Variants in CYSTM1 observed in about 807,000 individuals in gnomAD.
CYSTM1 encodes the protein cysteine rich transmembrane module containing 1, also known as cysteine-rich transmembrane module-containing protein 1.
CYSTM1 carries 4 observed loss-of-function variants against 13.1 expected under a neutral mutation model. That is an observed-to-expected ratio of 0.31 (90% CI 0.15 to 0.70). The LOEUF is 0.70. Among genes scored for constraint, CYSTM1 ranks in the 30% least tolerant of loss-of-function variants. CYSTM1 has a pLI of 0.72. For missense variants in CYSTM1, 96 were observed against 121.6 expected (o/e 0.79, Z 0.99); for synonymous variants, 36 against 42.7 (o/e 0.84, Z 0.62).
rs1764587435 is a variant in CYSTM1, at chr5:140,228,641, T to C, written c.188-14664T>C. On this transcript the variant is annotated intron_variant, in intron 2 of 2. Coordinates refer to ENST00000261811, the MANE Select transcript of CYSTM1 (RefSeq NM_032412.4). ...ATCTAGACAGAACCAGTCTGCAGAG[T>C]GTGGTAAGTTCTACCAGCATGCTGC... 7.6e-6 allele frequency: 3 copies of C among 397,212 alleles called. No individual in the cohort carries two copies. In the Admixed American group the frequency reaches 1.3e-4, roughly 18 times the overall value. 24.6% of individuals were successfully genotyped at this position (397,212 alleles called of 1,614,324 possible). A position where few individuals can be genotyped will look rare whatever the true frequency, so the allele number is the denominator to read the frequency against.
chr5:140,198,047 G>A lies in CYSTM1; in HGVS notation c.187+3395G>A, dbSNP rs1440483452. On this transcript the variant is annotated intron_variant, in intron 2 of 2. Coordinates refer to ENST00000261811, the MANE Select transcript of CYSTM1 (RefSeq NM_032412.4). ...AGCCATGTGATTGGAAGCAGCAAGT[G>A]CTTGTAGGAATAAGGTCTCCCAGAA... is the stretch of plus-strand genomic sequence containing the variant. Among the ~76,000 whole-genome samples, 3 of 152,184 alleles carry A rather than the reference G, an allele frequency of 2.0e-5. No individual in the cohort carries two copies. The East Asian group carries it at 5.8e-4, about 29-fold the overall frequency.
chr5:140,238,673 G>C (rs768009938), intron 2 of CYSTM1, among the ~76,000 whole-genome samples: 12 of 152,224 alleles, frequency 7.9e-5, no homozygotes, highest in Non-Finnish European at 1.5e-4. Context: ...GCCCCTGCAG[G>C]AGCCGTCTCA....
In CYSTM1 at chr5:140,243,373, G is replaced by A. The variant is rs866053271; in HGVS notation, c.256G>A (p.Ala86Thr). ...PSTCLTACWTALCCCCLWDML... is the reference protein window; with the variant it reads ...PSTCLTACWTTLCCCCLWDML... ...CACCTGCCTCACAGCCTGCTGGACG[G>A]CTCTCTGTTGCTGCTGTCTCTGGGA... Residue 86 changes from alanine to threonine, a missense_variant, in exon 3 of 3, where the codon GCT becomes ACT. Coordinates refer to ENST00000261811, the MANE Select transcript of CYSTM1 (RefSeq NM_032412.4). 6.2e-7 allele frequency: 1 copy of A among 1,614,064 alleles called. No homozygotes were observed. The highest frequency in any genetic ancestry group is 1.1e-5 in the South Asian group (1 of 91,078).
chr5:140,231,092 A>G (rs1433508326), intron 2 of CYSTM1, among the ~76,000 whole-genome samples: 1 of 152,186 alleles, frequency 6.6e-6, no homozygotes, highest in Non-Finnish European at 1.5e-5. Context: ...CCCACCATGA[A>G]CAAGTAATCT....
intron 2 of CYSTM1, among the ~76,000 whole-genome samples, chr5:140,234,125 G>T (rs1160589924): frequency 5.3e-5 from 8 of 152,152 alleles, no homozygotes; most frequent in African/African-American, 9.7e-5. Context: ...TCCACTTGGG[G>T]TTAGTTTTTG....
At chr5:140,242,265 G>A (rs1764759126) in intron 2 of CYSTM1, among the ~76,000 whole-genome samples, 1 of 152,140 alleles carries the variant, frequency 6.6e-6, no homozygotes, top group South Asian at 2.1e-4. Flanking sequence ...CTGATACAAC[G>A]GGAGGACCTG....
intron 2 of CYSTM1, among the ~76,000 whole-genome samples, chr5:140,231,332 C>T (rs1229989341): frequency 6.6e-6 from 1 of 152,208 alleles, no homozygotes; most frequent in Non-Finnish European, 1.5e-5. Context: ...CTTTGTCACA[C>T]CATTCCCTTG....
chr5:140,230,691 G>A lies in CYSTM1; in HGVS notation c.188-12614G>A, dbSNP rs1053629913. 2.0e-5 allele frequency among the ~76,000 whole-genome samples: 3 copies of A among 152,188 alleles called. No individual in the cohort carries two copies. The highest frequency in any genetic ancestry group is 1.3e-4 in the Admixed American group (2 of 15,284). On this transcript the variant is annotated intron_variant, in intron 2 of 2. Transcript: ENST00000261811. The surrounding 1 kb of genome is among the most constrained non-coding windows in gnomAD (Gnocchi z 4.1). ...GTTCTTTTGCCTCATAAGCAGAGGCGTTTCAGTGTTTCAGCAAGTTGTTTC... is the reference window on the plus strand; with the variant it reads ...GTTCTTTTGCCTCATAAGCAGAGGCATTTCAGTGTTTCAGCAAGTTGTTTC...
chr5:140,225,197 A>AAAATAT (rs1375478746), intron 2 of CYSTM1, among the ~76,000 whole-genome samples: 1 of 152,208 alleles, frequency 6.6e-6, no homozygotes, highest in African/African-American at 2.4e-5. Flanking sequence ...AATAAAAATA[A>AAAATAT]AAAAGATGGT....
intron 2 of CYSTM1, among the ~76,000 whole-genome samples, chr5:140,225,649 G>A (rs140089376): frequency 3.5e-4 from 53 of 152,330 alleles, no homozygotes; most frequent in Non-Finnish European, 6.2e-4. Context: ...TGGCTCTGAT[G>A]TCATGTAGTT....
In CYSTM1 at chr5:140,230,282, G is replaced by A. The variant is rs1039042040; in HGVS notation, c.188-13023G>A. ...TAGATCATCCTGTTACCAAGCAAAA[G>A]GGGCTCACTGCCTGATGTGCTAGAA... is the stretch of plus-strand genomic sequence containing the variant. On this transcript the variant is annotated intron_variant, in intron 2 of 2. Transcript: ENST00000261811. This position sits in a 1 kb window ranked among gnomAD's most constrained non-coding sequence, Gnocchi z 4.1. Among the ~76,000 whole-genome samples, 2 of 152,166 alleles carry A rather than the reference G, an allele frequency of 1.3e-5. No homozygotes were observed. The highest frequency in any genetic ancestry group is 2.9e-5 in the Non-Finnish European group (2 of 68,028).
chr5:140,221,231 T>C (rs1364200022), intron 2 of CYSTM1, among the ~76,000 whole-genome samples: 1 of 152,198 alleles, frequency 6.6e-6, no homozygotes, highest in Non-Finnish European at 1.5e-5. Context: ...TCATAAAATT[T>C]GCCATTTTAA....
rs141958231 is a variant in CYSTM1 at position 140,184,515 on chromosome 5, T to A, written c.-21+9230T>A. On this transcript the variant is annotated intron_variant, in intron 1 of 2. Transcript: ENST00000261811. ...ATTTGGGGTTTTACTTAAAAATATG[T>A]CTTTATTGAAGAGTTTATAAGAAAA... Among the ~76,000 whole-genome samples, 45 of 152,264 alleles carry A rather than the reference T, an allele frequency of 3.0e-4. No homozygotes were observed. The East Asian group carries it at 6.8e-3, about 23-fold the overall frequency.
At chr5:140,183,898 T>C (rs2053058) in intron 1 of CYSTM1, among the ~76,000 whole-genome samples, 35,162 of 152,086 alleles carry the variant, frequency 0.23, 4,100 homozygotes, top group African/African-American at 0.25. Context: ...TTTTCCCAGG[T>C]AGCAACTGGA....
intron 2 of CYSTM1, among the ~76,000 whole-genome samples, chr5:140,236,470 C>T (rs577092036): frequency 1.3e-5 from 2 of 152,242 alleles, no homozygotes; most frequent in South Asian, 4.1e-4. Context: ...AGACAATGGC[C>T]TAGAAAATTA....
intron 1 of CYSTM1, among the ~76,000 whole-genome samples, chr5:140,178,073 A>G (rs1048419129): frequency 6.6e-6 from 1 of 152,212 alleles, no homozygotes; most frequent in Non-Finnish European, 1.5e-5. Context: ...GTGTTTCCCT[A>G]AATACAAACT....
chr5:140,211,630 C>A (rs892850468), intron 2 of CYSTM1, among the ~76,000 whole-genome samples: 1 of 152,202 alleles, frequency 6.6e-6, no homozygotes, highest in Non-Finnish European at 1.5e-5. Flanking sequence ...TCCCCTGGAA[C>A]CTCGTACAGC....
At chr5:140,217,325 C>T (rs1006530237) in intron 2 of CYSTM1, among the ~76,000 whole-genome samples, 9 of 152,098 alleles carry the variant, frequency 5.9e-5, no homozygotes, top group African/African-American at 1.9e-4. Context: ...TCCTCCTGAG[C>T]CTCCAAAAAA....
intron 2 of CYSTM1, among the ~76,000 whole-genome samples, chr5:140,222,166 A>C (rs1764499593): frequency 6.6e-6 from 1 of 152,224 alleles, no homozygotes; most frequent in African/African-American, 2.4e-5. Flanking sequence ...CTGATGACTA[A>C]GACTGTTGAA....
Sources: allele counts gnomAD v4.1 joint callset (sites outside exome capture counted in the v4.1 genomes callset), GRCh38; gene constraint gnomAD v4.1.1; non-coding constraint Gnocchi (gnomAD v3.1); transcripts MANE v1.5; gene names NCBI Gene and HGNC (gene_info 2026-07-23, HGNC 2026-07-21).